The following ARID1A variants were observed in gnomAD, a reference collection of about 807,000 sequenced individuals.
The protein encoded by ARID1A is AT-rich interactive domain-containing protein 1A.
Under a neutral mutation model 212.6 loss-of-function variants are expected in ARID1A, and 20 were observed. The observed-to-expected ratio is 0.09, with a 90% CI of 0.07 to 0.14. ARID1A has a LOEUF of 0.14. Among genes scored for constraint, ARID1A ranks in the 10% least tolerant of loss-of-function variants. ARID1A has a pLI of 1.00. For synonymous variants in ARID1A, 1,376 were observed against 1,222.1 expected (o/e 1.13, Z -2.63); for missense variants, 2,587 against 3,059.0 (o/e 0.85, Z 3.64).
intron 1 of ARID1A, among the ~76,000 whole-genome samples, chr1:26,705,344 G>A (rs1379548135): frequency 6.6e-6 from 1 of 151,942 alleles, no homozygotes; most frequent in Non-Finnish European, 1.5e-5. Flanking sequence ...CATCATGTTG[G>A]CCAGGCTGGT....
chr1:26,759,480 C>CT (rs1446089302), intron 4 of ARID1A, among the ~76,000 whole-genome samples: 1 of 152,126 alleles, frequency 6.6e-6, no homozygotes, highest in Non-Finnish European at 1.5e-5. Context: ...AAGGCTGGGA[C>CT]TACAGGCATG....
rs2081189945 is a variant in ARID1A at position 26,781,089 on chromosome 1, A to C, written c.*333A>C. The C allele has an allele frequency of 6.9e-6, 2 of 290,294 alleles. No individual in the cohort carries two copies. Among genetic ancestry groups the C allele is most frequent in the Admixed American group, 5.1e-5 (1 of 19,530 alleles). 18.0% of individuals were successfully genotyped at this position (290,294 alleles called of 1,614,324 possible). A position where few individuals can be genotyped will look rare whatever the true frequency, so the allele number is the denominator to read the frequency against. The stretch of plus-strand genomic sequence containing the variant: ...GTTTACAGTGAGTTTGGGGAAAAAA[A>C]ATAAAATAAAAATGGCTTTCCCAGT... On this transcript the variant is annotated 3_prime_UTR_variant, in exon 20 of 20. Transcript: ENST00000324856.
At position 26,774,198 on chromosome 1, in the gene ARID1A, G is replaced by T. The variant is rs2081112409; in HGVS notation, c.4102-131G>T. 1 of 1,448,658 alleles carries T rather than the reference G, an allele frequency of 6.9e-7. No homozygotes were observed. Among genetic ancestry groups the T allele is most frequent in the Non-Finnish European group, 9.1e-7 (1 of 1,096,534 alleles). 89.7% of individuals were successfully genotyped at this position (1,448,658 alleles called of 1,614,324 possible). A position where few individuals can be genotyped will look rare whatever the true frequency, so the allele number is the denominator to read the frequency against. ...TGGAAACAACTTCAAAAGACAATTT[G>T]TTAAGGTGATTCCCATGTTTTCTTG... On this transcript the variant is annotated intron_variant, in intron 17 of 19. Coordinates refer to ENST00000324856, the MANE Select transcript of ARID1A (RefSeq NM_006015.6). The surrounding 1 kb of genome is among the most constrained non-coding windows in gnomAD (Gnocchi z 5.6).
Position 26,780,024 on chromosome 1 carries a change from C to G in ARID1A, c.6126C>G (p.Ser2042Arg). The G allele has an allele frequency of 6.2e-7, 1 of 1,614,132 alleles. No homozygotes were observed. The highest frequency in any genetic ancestry group is 1.1e-5 in the South Asian group (1 of 91,076). Reference protein sequence around the residue: ...EKEEEQDQGVSCNKVEWWWDC... With the variant: ...EKEEEQDQGVRCNKVEWWWDC... Reference sequence around the variant, plus strand: ...AGGAGGAACAGGACCAAGGGGTGAGCTGCAACAAAGTGGAGTGGTGGTGGG... The same window carrying G: ...AGGAGGAACAGGACCAAGGGGTGAGGTGCAACAAAGTGGAGTGGTGGTGGG... Residue 2042 changes from serine (S) to arginine (R), a missense_variant, in exon 20 of 20, where the codon AGC (serine) becomes AGG (arginine). Around this residue, in one of 11 missense-constraint regions of ARID1A, gnomAD observed 168 missense variants for 321.0 expected, o/e 0.52. Transcript: ENST00000324856. This position sits in a 1 kb window ranked among gnomAD's most constrained non-coding sequence, Gnocchi z 7.2.
rs748177409 is a variant in ARID1A, at chr1:26,780,702, C to G, written c.6804C>G (p.Asn2268Lys). Residue 2268 changes from asparagine (N) to lysine (K), a missense_variant, in exon 20 of 20, where the codon AAC becomes AAG. Physicochemically the swap from Asn to Lys is moderately conservative, Grantham distance 94 (BLOSUM62 0). Coordinates refer to ENST00000324856, the MANE Select transcript of ARID1A (RefSeq NM_006015.6). The surrounding 1 kb of genome is among the most constrained non-coding windows in gnomAD (Gnocchi z 7.2). ...ACATCTCGGTATCACCGTTGATGAA[C>G]TCATTGGTTTCACAAGTCATTTGTG... ...LLDISVSPLMNSLVSQVICDV... is the reference protein window; with the variant it reads ...LLDISVSPLMKSLVSQVICDV... 1 of 1,594,214 alleles carries G rather than the reference C, an allele frequency of 6.3e-7. No homozygotes were observed. The highest frequency in any genetic ancestry group is 1.7e-5 in the Admixed American group (1 of 59,792).
chr1:26,710,295 G>A (rs936444503), intron 1 of ARID1A, among the ~76,000 whole-genome samples: 5 of 151,472 alleles, frequency 3.3e-5, no homozygotes, highest in South Asian at 4.2e-4. Flanking sequence ...TTAGCTAGGC[G>A]TGGTGGCGGA....
chr1:26,761,173 C>G (rs2124057977), intron 5 of ARID1A, 77 bp downstream of exon 5: 1 of 1,568,314 alleles, frequency 6.4e-7, no homozygotes, highest in Non-Finnish European at 8.7e-7. Flanking sequence ...TAGTCTTCCA[C>G]TGGCAGAGAA....
At chr1:26,748,859 T>A (rs1054786505) in intron 4 of ARID1A, among the ~76,000 whole-genome samples, 9 of 152,116 alleles carry the variant, frequency 5.9e-5, no homozygotes, top group South Asian at 2.1e-4. Context: ...TCTTTTTTTT[T>A]ATTTTTATTT....
intron 4 of ARID1A, among the ~76,000 whole-genome samples, chr1:26,741,985 GA>G (rs1169074174): frequency 1.3e-5 from 2 of 152,118 alleles, no homozygotes; most frequent in African/African-American, 4.8e-5. Context: ...CAGTTATTCT[GA>G]AAAGATAGGA....
At chr1:26,736,079 C>CT (rs2080726460) in intron 4 of ARID1A, among the ~76,000 whole-genome samples, 2 of 152,016 alleles carry the variant, frequency 1.3e-5, no homozygotes, top group African/African-American at 2.4e-5. Context: ...AATCCCAGCA[C>CT]TTTGGGAGGC....
chr1:26,762,394 T>C (rs2081000952), intron 7 of ARID1A, 75 bp downstream of exon 7: 2 of 1,506,388 alleles, frequency 1.3e-6, no homozygotes, highest in Non-Finnish European at 1.8e-6. Flanking sequence ...TGTTGCCATC[T>C]AGCTTGTAAC....
intron 11 of ARID1A, 72 bp downstream of exon 11, chr1:26,768,071 A>T: frequency 1.4e-6 from 2 of 1,464,952 alleles, no homozygotes; most frequent in South Asian, 1.2e-5. Context: ...CACTGGCTTC[A>T]TGTGGTACCA....
chr1:26,710,490 T>TACACACACACAC (rs1291075615), intron 1 of ARID1A, among the ~76,000 whole-genome samples: 33 of 9,700 alleles, frequency 3.4e-3, no homozygotes, highest in African/African-American at 4.7e-3. Flanking sequence ...AATAAAATAA[T>TACACACACACAC]ACATACACAC....
chr1:26,712,595 G>C (rs1420969256), intron 1 of ARID1A, among the ~76,000 whole-genome samples: 1 of 151,962 alleles, frequency 6.6e-6, no homozygotes, highest in Non-Finnish European at 1.5e-5. Flanking sequence ...AGAGGCTGAG[G>C]CAGGAGGATC....
chr1:26,744,083 C>A (rs2080814249), intron 4 of ARID1A, among the ~76,000 whole-genome samples: 1 of 152,150 alleles, frequency 6.6e-6, no homozygotes, highest in Non-Finnish European at 1.5e-5. Context: ...ATCCCCACCC[C>A]CTCTGTCATA....
rs2081195584 is a variant in ARID1A at position 26,781,547 on chromosome 1, A to G, written c.*791A>G. The G allele has an allele frequency of 8.6e-6, 2 of 233,452 alleles. No homozygotes were observed. The highest frequency in any genetic ancestry group is 3.6e-4 in the South Asian group (2 of 5,528). The allele number at this position is 233,452 out of a possible 1,614,324, so 14.5% of individuals were successfully genotyped here. On this transcript the variant is annotated 3_prime_UTR_variant, in exon 20 of 20. Transcript: ENST00000324856. ...TCTCTCCTCCTTGATTGTATGAATA[A>G]CCCTGAGATCACCTCTTAGAACTGG...
Position 26,763,229 on chromosome 1 carries a change from G to C in ARID1A, c.2676G>C (p.Arg892=), listed in dbSNP as rs1449382467. 2.5e-6 allele frequency: 4 copies of C among 1,613,508 alleles called. No individual in the cohort carries two copies. The highest frequency in any genetic ancestry group is 3.4e-6 in the Non-Finnish European group (4 of 1,179,498). ...GMCPPPGGMN[R]KTQETAVAMH... ...GTCCCCCACCAGGGGGCATGAACCGGAAAACCCAAGAAACTGCTGTCGCCA... is the reference window on the plus strand; with the variant it reads ...GTCCCCCACCAGGGGGCATGAACCGCAAAACCCAAGAAACTGCTGTCGCCA... The change falls in exon 8 of 20, where the codon CGG becomes CGC. Residue 892 remains arginine, a synonymous_variant. Transcript: ENST00000324856.
At chr1:26,710,527 A>ACACACACACACACACACACACACC (rs915474721) in intron 1 of ARID1A, among the ~76,000 whole-genome samples, 1 of 150,380 alleles carries the variant, frequency 6.6e-6, no homozygotes, top group African/African-American at 2.5e-5. Context: ...ACACACACAC[A>ACACACACACACACACACACACACC]CCACTTGTTG....
rs781658370 is a variant in ARID1A, at chr1:26,766,215, C to A, written c.2733-6C>A. The A allele has an allele frequency of 1.2e-6, 2 of 1,611,908 alleles. No homozygotes were observed. Among genetic ancestry groups the A allele is most frequent in the Non-Finnish European group, 1.7e-6 (2 of 1,179,150 alleles). On this transcript the variant is annotated splice_polypyrimidine_tract_variant and splice_region_variant and intron_variant, in intron 8 of 19. Coordinates refer to ENST00000324856, the MANE Select transcript of ARID1A (RefSeq NM_006015.6). ...TGTCTCTCTCACTTTCCATCTTCTT[C>A]CTTAGGCCGCCAGGCTACCCCAATA...
Sources: allele counts gnomAD v4.1 joint callset (sites outside exome capture counted in the v4.1 genomes callset), GRCh38; gene constraint gnomAD v4.1.1; regional missense constraint gnomAD v4.1.1; non-coding constraint Gnocchi (gnomAD v3.1); transcripts MANE v1.5; gene names NCBI Gene and HGNC (gene_info 2026-07-23, HGNC 2026-07-21).